LRP1B: variants seen among roughly 807,000 people sequenced by gnomAD.
LRP1B encodes low-density lipoprotein receptor-related protein 1B.
A neutral mutation model predicts 556.6 loss-of-function variants in LRP1B; 217 were observed. The ratio of observed to expected loss-of-function variants is 0.39; its 90% CI spans 0.35 to 0.44. The LOEUF (loss-of-function observed/expected upper bound fraction) is 0.44. Ranked by LOEUF, LRP1B falls within the 20% of genes least tolerant of loss-of-function variation. The pLI is 1.00. For missense variants in LRP1B, 5,053 were observed against 5,620.8 expected, an observed-to-expected ratio of 0.90 and a Z score of 3.23; for synonymous variants, 2,047 against 1,865.8, an observed-to-expected ratio of 1.10 and a Z score of -2.50.
At chr2:141,870,144 G>A (rs1018535816) in intron 1 of LRP1B, among the ~76,000 whole-genome samples, 2 of 151,942 alleles carry the variant, frequency 1.3e-5, no homozygotes, top group African/African-American at 4.8e-5. Flanking sequence ...TGATTTCACA[G>A]TTATAATAAT....
chr2:140,796,208 A>G (rs1690307645), intron 32 of LRP1B, among the ~76,000 whole-genome samples: 1 of 152,112 alleles, frequency 6.6e-6, no homozygotes, highest in African/African-American at 2.4e-5. Flanking sequence ...CAAAGAAGAA[A>G]CAATCACTAT....
At chr2:141,314,857 C>CAG (rs1686951246) in intron 3 of LRP1B, among the ~76,000 whole-genome samples, 1 of 88,440 alleles carries the variant, frequency 1.1e-5, no homozygotes, top group Non-Finnish European at 2.3e-5. Flanking sequence ...CATATATATA[C>CAG]ATATATATAC....
At chr2:141,797,949 G>A (rs1395182220) in intron 2 of LRP1B, among the ~76,000 whole-genome samples, 1 of 152,172 alleles carries the variant, frequency 6.6e-6, no homozygotes, top group Non-Finnish European at 1.5e-5. Flanking sequence ...AGAAACCTAT[G>A]ACAATTATAG....
intron 2 of LRP1B, among the ~76,000 whole-genome samples, chr2:141,507,237 A>T (rs1431080187): frequency 6.6e-6 from 1 of 152,290 alleles, no homozygotes; most frequent in Admixed American, 6.5e-5. Flanking sequence ...ACATTACAGA[A>T]ATATAAATAC....
At chr2:141,191,680 C>CTT (rs11394147) in intron 6 of LRP1B, among the ~76,000 whole-genome samples, 12,433 of 148,096 alleles carry the variant, frequency 0.084, 551 homozygotes, top group East Asian at 0.14. Context: ...CAAAAATAAG[C>CTT]TTTTTTTTTT....
chr2:141,056,981 C>A (rs1699194164), intron 9 of LRP1B, among the ~76,000 whole-genome samples: 1 of 151,884 alleles, frequency 6.6e-6, no homozygotes, highest in Non-Finnish European at 1.5e-5. Context: ...AGACCACTGT[C>A]TGATTTATAC....
chr2:140,350,826 C>T lies in LRP1B; in HGVS notation c.11863G>A (p.Glu3955Lys), dbSNP rs559537250. Reference protein sequence around the residue: ...GIFYKRIHGREKRQANSGLIC... With the variant: ...GIFYKRIHGRKKRQANSGLIC... ...AAGCCACTGTTTGCTTGCCTTTTTT[C>T]TCTGCCATGGATCCTTTTGTAGAAA... is the stretch of plus-strand genomic sequence containing the variant. Residue 3955 changes from glutamate to lysine, a missense_variant, in exon 77 of 91, where the codon GAA becomes AAA. Coordinates refer to ENST00000389484, the MANE Select transcript of LRP1B (RefSeq NM_018557.3). 3.5e-5 allele frequency: 57 copies of T among 1,609,394 alleles called. No homozygotes were observed. Among genetic ancestry groups the T allele is most frequent in the South Asian group, 3.4e-4 (31 of 90,494 alleles).
intron 1 of LRP1B, among the ~76,000 whole-genome samples, chr2:142,006,976 ATTTT>A (rs71391671): frequency 1.3e-5 from 2 of 151,802 alleles, no homozygotes; most frequent in Non-Finnish European, 2.9e-5. Context: ...AGAAGACCTG[ATTTT>A]TTTTTCTCAG....
chr2:141,842,183 A>G (rs948496388), intron 1 of LRP1B, among the ~76,000 whole-genome samples: 6 of 152,124 alleles, frequency 3.9e-5, no homozygotes, highest in Admixed American at 6.5e-5. Flanking sequence ...TGGTTTTTGT[A>G]TCCTTTCCAT....
chr2:140,562,387 TA>T (rs1680962815), intron 43 of LRP1B, among the ~76,000 whole-genome samples: 2 of 152,192 alleles, frequency 1.3e-5, no homozygotes, highest in African/African-American at 4.8e-5. Context: ...CTAACATGTT[TA>T]TAGATACAAA....
chr2:141,443,203 T>C (rs901507317), intron 3 of LRP1B, among the ~76,000 whole-genome samples: 1 of 152,222 alleles, frequency 6.6e-6, no homozygotes, highest in Non-Finnish European at 1.5e-5. Flanking sequence ...TTTTTTCATA[T>C]GTTTGTTGGC....
chr2:142,096,083 A>G (rs999113933), intron 1 of LRP1B, among the ~76,000 whole-genome samples: 1 of 151,782 alleles, frequency 6.6e-6, no homozygotes, highest in Non-Finnish European at 1.5e-5. Flanking sequence ...ACCCAAATAA[A>G]TAACATTTGT....
At chr2:140,628,537 G>GGA (rs1553502015) in intron 41 of LRP1B, among the ~76,000 whole-genome samples, 4 of 138,400 alleles carry the variant, frequency 2.9e-5, no homozygotes, top group African/African-American at 5.4e-5. Flanking sequence ...ACTCTGTCTC[G>GGA]AAAAAAAAAA....
intron 41 of LRP1B, among the ~76,000 whole-genome samples, chr2:140,637,624 G>C (rs1684117298): frequency 6.6e-6 from 1 of 151,668 alleles, no homozygotes; most frequent in South Asian, 2.1e-4. Context: ...CTCACTGCTT[G>C]GGCAGTTTAG....
At chr2:140,990,734 T>C (rs1246431480) in intron 16 of LRP1B, among the ~76,000 whole-genome samples, 1 of 152,118 alleles carries the variant, frequency 6.6e-6, no homozygotes, top group African/African-American at 2.4e-5. Flanking sequence ...TCTATGATTA[T>C]TTTTCCTCCA....
intron 9 of LRP1B, among the ~76,000 whole-genome samples, 156 bp downstream of exon 9, chr2:141,058,727 G>A (rs1190117632): frequency 3.3e-5 from 5 of 151,836 alleles, no homozygotes; most frequent in Middle Eastern, 3.4e-3. Flanking sequence ...GACTTGTGAC[G>A]GGAGCTCTAT....
At chr2:140,684,940 A>C (rs1310852624) in intron 41 of LRP1B, among the ~76,000 whole-genome samples, 1 of 152,114 alleles carries the variant, frequency 6.6e-6, no homozygotes, top group East Asian at 1.9e-4. Flanking sequence ...TTGTCTTTTC[A>C]TCTCTACCCC....
At chr2:140,281,698 A>G (rs936019785) in intron 84 of LRP1B, among the ~76,000 whole-genome samples, 4 of 151,874 alleles carry the variant, frequency 2.6e-5, no homozygotes, top group African/African-American at 9.7e-5. Flanking sequence ...CAAACCAACA[A>G]CAAATTAAAA....
chr2:140,749,226 G>A (rs1411070245), intron 35 of LRP1B, among the ~76,000 whole-genome samples: 1 of 152,080 alleles, frequency 6.6e-6, no homozygotes, highest in Non-Finnish European at 1.5e-5. Flanking sequence ...TTGAGTAAAT[G>A]TGAAGGTCCA....
Sources: allele counts gnomAD v4.1 joint callset (sites outside exome capture counted in the v4.1 genomes callset), GRCh38; gene constraint gnomAD v4.1.1; transcripts MANE v1.5; gene names NCBI Gene and HGNC (gene_info 2026-07-23, HGNC 2026-07-21).